The following NBEA variants were observed in gnomAD, a reference collection of about 807,000 sequenced individuals.
NBEA encodes lysosomal-trafficking regulator 2.
A neutral mutation model predicts 343.4 loss-of-function variants in NBEA; 44 were observed. The observed-to-expected ratio is 0.13, with a 90% CI of 0.10 to 0.16. The LOEUF is 0.16. NBEA is among the 10% of genes least tolerant of loss of function. The pLI, the probability that NBEA is intolerant of heterozygous loss-of-function variation, is 1.00. For synonymous variants in NBEA, 1,175 were observed against 1,238.7 expected, an observed-to-expected ratio of 0.95 and a Z score of 1.08; for missense variants, 2,555 against 3,631.3, an observed-to-expected ratio of 0.70 and a Z score of 7.62.
At chr13:35,353,831 T>C (rs1466700047) in intron 38 of NBEA, among the ~76,000 whole-genome samples, 2 of 152,314 alleles carry the variant, frequency 1.3e-5, no homozygotes, top group Non-Finnish European at 2.9e-5. Context: ...ATTATATCAG[T>C]CAGGATGCTC....
At chr13:35,049,827 CA>C (rs2063001417) in intron 5 of NBEA, among the ~76,000 whole-genome samples, 1 of 151,458 alleles carries the variant, frequency 6.6e-6, no homozygotes, top group African/African-American at 2.4e-5. Context: ...TATCATTTAT[CA>C]AACTTGACTC....
At position 35,352,208 on chromosome 13, in the gene NBEA, G is replaced by A. The variant is rs780903650; in HGVS notation, c.6064G>A (p.Asp2022Asn). 2.6e-6 allele frequency: 4 copies of A among 1,543,000 alleles called. No individual in the cohort carries two copies. The South Asian group carries it at 5.0e-5, about 19-fold the overall frequency. ...ADRREEEKMC[D>N]HLISAAKHRD... ...TAGAAGAGAGGAAGAAAAGATGTGT[G>A]ACCATCTTATCAGTGCTGCTAAACA... Residue 2022 changes from aspartate to asparagine, a missense_variant, in exon 38 of 59, where the codon GAC becomes AAC. Asp to Asn is a conservative substitution (Grantham distance 23, BLOSUM62 1). Around this residue, in one of 21 missense-constraint regions of NBEA, gnomAD observed 246 missense variants for 313.7 expected, o/e 0.78. Coordinates refer to ENST00000379939, the MANE Select transcript of NBEA (RefSeq NM_001385012.1).
chr13:35,300,243 G>T (rs1019581488), intron 35 of NBEA, among the ~76,000 whole-genome samples: 3 of 152,138 alleles, frequency 2.0e-5, no homozygotes, highest in Non-Finnish European at 4.4e-5. Flanking sequence ...GGAATCGCTT[G>T]AACCCGGGAT....
chr13:35,200,320 T>G (rs1423734563), intron 31 of NBEA, among the ~76,000 whole-genome samples: 1 of 151,940 alleles, frequency 6.6e-6, no homozygotes, highest in African/African-American at 2.4e-5. Flanking sequence ...TTTACTTACC[T>G]TTTAAACTAA....
chr13:35,047,224 T>C (rs561164072), intron 4 of NBEA, among the ~76,000 whole-genome samples: 29 of 152,074 alleles, frequency 1.9e-4, no homozygotes, highest in South Asian at 1.5e-3. Flanking sequence ...TGTGTGTGTG[T>C]GTGTATTTTT....
chr13:35,612,964 T>C (rs1261339533), intron 48 of NBEA, among the ~76,000 whole-genome samples: 1 of 151,958 alleles, frequency 6.6e-6, no homozygotes, highest in African/African-American at 2.4e-5. Flanking sequence ...TTTATATTTA[T>C]GGGGTATACT....
chr13:35,139,070 T>TTC (rs1285548080), intron 17 of NBEA, among the ~76,000 whole-genome samples: 56 of 143,382 alleles, frequency 3.9e-4, no homozygotes, highest in African/African-American at 1.3e-3. Flanking sequence ...TTTTTTTTTT[T>TTC]TTTTTTTTGA....
intron 1 of NBEA, among the ~76,000 whole-genome samples, chr13:34,963,442 G>A (rs537669132): frequency 5.3e-5 from 8 of 151,930 alleles, no homozygotes; most frequent in Non-Finnish European, 1.2e-4. Flanking sequence ...CCATTAGGCT[G>A]TACTGTGTTC....
chr13:35,263,649 A>G (rs1009971969), intron 34 of NBEA, among the ~76,000 whole-genome samples: 11 of 152,158 alleles, frequency 7.2e-5, no homozygotes, highest in Admixed American at 6.6e-5. Flanking sequence ...TCACAAATAC[A>G]TGGAAATTAA....
At chr13:35,261,298 G>A (rs2033193243) in intron 34 of NBEA, among the ~76,000 whole-genome samples, 1 of 152,140 alleles carries the variant, frequency 6.6e-6, no homozygotes, top group Non-Finnish European at 1.5e-5. Flanking sequence ...GGATCACCTA[G>A]GTAAGGAGTT....
intron 1 of NBEA, among the ~76,000 whole-genome samples, chr13:34,951,639 G>A (rs1196122134): frequency 6.6e-6 from 1 of 152,178 alleles, no homozygotes; most frequent in Non-Finnish European, 1.5e-5. Flanking sequence ...CTTTATCAGT[G>A]CCTGAGGTAG....
chr13:35,218,821 G>T (rs73167791), intron 33 of NBEA, among the ~76,000 whole-genome samples: 6,935 of 151,952 alleles, frequency 0.046, 199 homozygotes, highest in South Asian at 0.078. Flanking sequence ...AATGCTAAAA[G>T]AATTCTCAAT....
At chr13:34,965,551 A>T (rs2059794202) in intron 1 of NBEA, among the ~76,000 whole-genome samples, 1 of 152,028 alleles carries the variant, frequency 6.6e-6, no homozygotes, top group Admixed American at 6.6e-5. Context: ...GAATTGGCAC[A>T]GTGTATTCTA....
chr13:35,136,967 C>T (rs2067766798), intron 17 of NBEA, among the ~76,000 whole-genome samples: 1 of 152,134 alleles, frequency 6.6e-6, no homozygotes, highest in Non-Finnish European at 1.5e-5. Context: ...GTGTTTTAAA[C>T]CTTGATGTTC....
chr13:35,147,289 G>A (rs2152700985), intron 18 of NBEA, among the ~76,000 whole-genome samples: 1 of 152,322 alleles, frequency 6.6e-6, no homozygotes, highest in African/African-American at 2.4e-5. Flanking sequence ...CTTCAGGGGT[G>A]CAACACATGG....
chr13:34,987,532 T>C (rs562014812), intron 1 of NBEA, among the ~76,000 whole-genome samples: 3 of 150,940 alleles, frequency 2.0e-5, no homozygotes, highest in African/African-American at 7.3e-5. Context: ...TGAATTTGAA[T>C]GTTGGCCTGT....
At chr13:35,111,797 A>C (rs1290022963) in intron 13 of NBEA, among the ~76,000 whole-genome samples, 1 of 151,992 alleles carries the variant, frequency 6.6e-6, no homozygotes, top group Admixed American at 6.6e-5. Context: ...CAGGAATGTC[A>C]TATTATTTTA....
At chr13:34,978,778 T>C (rs895854885) in intron 1 of NBEA, among the ~76,000 whole-genome samples, 9 of 152,200 alleles carry the variant, frequency 5.9e-5, no homozygotes, top group Non-Finnish European at 1.2e-4. Context: ...AATTTGTTCA[T>C]GTTGTGCTTA....
At chr13:35,583,304 C>T (rs984222506) in intron 45 of NBEA, among the ~76,000 whole-genome samples, 1 of 152,196 alleles carries the variant, frequency 6.6e-6, no homozygotes, top group African/African-American at 2.4e-5. Context: ...GTGGCCTCAG[C>T]AAAATGCTTT....
Sources: gnomAD v4.1 joint callset for allele counts (sites outside exome capture counted in the v4.1 genomes callset) on GRCh38, gnomAD v4.1.1 for gene constraint, gnomAD v4.1.1 regional missense constraint, MANE v1.5 for transcripts, NCBI Gene and HGNC (gene_info 2026-07-23, HGNC 2026-07-21) for gene names.